The following SYNDIG1 variants were observed in gnomAD, a reference collection of about 807,000 sequenced individuals.
SYNDIG1 encodes the protein synapse differentiation-inducing gene protein 1.
In SYNDIG1, 9 loss-of-function variants were observed where a neutral mutation model predicts 19.4. The ratio of observed to expected loss-of-function variants is 0.46; its 90% CI spans 0.28 to 0.81. The LOEUF is 0.81. Ranked by LOEUF, SYNDIG1 falls within the 30% of genes least tolerant of loss-of-function variation. The pLI is 0.12. For synonymous variants in SYNDIG1, 141 were observed against 145.9 expected (o/e 0.97, Z 0.24); for missense variants, 311 against 343.3 (o/e 0.91, Z 0.74).
At chr20:24,521,184 C>T (rs1600509759) in intron 1 of SYNDIG1, among the ~76,000 whole-genome samples, 1 of 152,184 alleles carries the variant, frequency 6.6e-6, no homozygotes, top group Non-Finnish European at 1.5e-5. Context: ...TTCAGGGTAG[C>T]ATATGCCATA....
At chr20:24,493,316 A>G (rs138349192) in intron 1 of SYNDIG1, among the ~76,000 whole-genome samples, 44 of 152,322 alleles carry the variant, frequency 2.9e-4, no homozygotes, top group African/African-American at 8.9e-4. Flanking sequence ...GCATGGGCAC[A>G]CAAGCATGCA....
chr20:24,533,558 C>T (rs768515629), intron 1 of SYNDIG1, among the ~76,000 whole-genome samples: 14 of 151,970 alleles, frequency 9.2e-5, no homozygotes, highest in South Asian at 6.3e-4. Flanking sequence ...GAGGGGATCC[C>T]GGGAAGCACC....
At chr20:24,497,009 C>A (rs1217551549) in intron 1 of SYNDIG1, among the ~76,000 whole-genome samples, 1 of 152,130 alleles carries the variant, frequency 6.6e-6, no homozygotes, top group East Asian at 1.9e-4. Flanking sequence ...AGTACTAATA[C>A]CATTTGCTTA....
chr20:24,648,201 G>T (rs1051058231), intron 3 of SYNDIG1, among the ~76,000 whole-genome samples: 1 of 152,198 alleles, frequency 6.6e-6, no homozygotes, highest in African/African-American at 2.4e-5. Flanking sequence ...TAGCAGTTTG[G>T]CTCGCAGACA....
chr20:24,571,390 C>G (rs2058140646), intron 2 of SYNDIG1, among the ~76,000 whole-genome samples: 1 of 152,148 alleles, frequency 6.6e-6, no homozygotes, highest in Non-Finnish European at 1.5e-5. Flanking sequence ...TATATGGGAA[C>G]TCTCTGTTCT....
At chr20:24,510,772 A>G (rs1448831385) in intron 1 of SYNDIG1, among the ~76,000 whole-genome samples, 2 of 152,006 alleles carry the variant, frequency 1.3e-5, no homozygotes, top group East Asian at 1.9e-4. Context: ...CCCATTCTCA[A>G]TGTTCTCTCA....
At chr20:24,546,866 C>T (rs1224273107) in intron 2 of SYNDIG1, among the ~76,000 whole-genome samples, 1 of 151,904 alleles carries the variant, frequency 6.6e-6, no homozygotes, top group African/African-American at 2.4e-5. Flanking sequence ...TGAGCTCTTT[C>T]CAGAAGGCAG....
At chr20:24,557,808 A>G (rs1194956140) in intron 2 of SYNDIG1, among the ~76,000 whole-genome samples, 2 of 152,136 alleles carry the variant, frequency 1.3e-5, no homozygotes, top group Non-Finnish European at 2.9e-5. Context: ...CTCCAGCCGC[A>G]TGCTGGGAGA....
intron 2 of SYNDIG1, among the ~76,000 whole-genome samples, chr20:24,582,182 C>T (rs1294358149): frequency 2.7e-5 from 4 of 147,596 alleles, no homozygotes; most frequent in Non-Finnish European, 6.0e-5. Flanking sequence ...ATTGCAAGTC[C>T]TCCCCGCTGC....
At chr20:24,521,915 A>T (rs1311212629) in intron 1 of SYNDIG1, among the ~76,000 whole-genome samples, 1 of 149,988 alleles carries the variant, frequency 6.7e-6, no homozygotes, top group Non-Finnish European at 1.5e-5. Context: ...AAAAAAAAAA[A>T]TTAAGTAATA....
intron 3 of SYNDIG1, among the ~76,000 whole-genome samples, chr20:24,659,264 C>T (rs2059560559): frequency 6.6e-6 from 1 of 152,208 alleles, no homozygotes; most frequent in Admixed American, 6.5e-5. Context: ...TTGCATAAAG[C>T]CAGTGACTAC....
intron 3 of SYNDIG1, among the ~76,000 whole-genome samples, chr20:24,656,521 T>C (rs1299768514): frequency 6.6e-6 from 1 of 152,044 alleles, no homozygotes; most frequent in South Asian, 2.1e-4. Context: ...GCTGCTGGGG[T>C]GGACCCAGCT....
chr20:24,591,466 G>A (rs2058511320), intron 3 of SYNDIG1, among the ~76,000 whole-genome samples: 1 of 151,730 alleles, frequency 6.6e-6, no homozygotes, highest in African/African-American at 2.4e-5. Context: ...TTTTTGAAGA[G>A]TTTTGCTGTA....
chr20:24,554,569 T>C (rs1290939469), intron 2 of SYNDIG1, among the ~76,000 whole-genome samples: 1 of 152,224 alleles, frequency 6.6e-6, no homozygotes, highest in Non-Finnish European at 1.5e-5. Flanking sequence ...AATCATGTGG[T>C]TTTTGTCTTT....
intron 2 of SYNDIG1, among the ~76,000 whole-genome samples, chr20:24,545,923 A>G (rs1253910198): frequency 6.6e-6 from 1 of 152,234 alleles, no homozygotes; most frequent in African/African-American, 2.4e-5. Context: ...CTAAAGTAAC[A>G]TCGATGAAAC....
At chr20:24,587,107 G>A (rs1464831629) in intron 3 of SYNDIG1, among the ~76,000 whole-genome samples, 2 of 152,178 alleles carry the variant, frequency 1.3e-5, no homozygotes, top group Non-Finnish European at 2.9e-5. Context: ...AGCTGCAAAT[G>A]GGAAATGCAC....
intron 1 of SYNDIG1, among the ~76,000 whole-genome samples, chr20:24,518,898 G>C (rs563864321): frequency 5.3e-5 from 8 of 152,332 alleles, no homozygotes; most frequent in Non-Finnish European, 1.0e-4. Flanking sequence ...GGCAACCACA[G>C]ACACACCCCG....
chr20:24,578,030 G>A (rs1315145739), intron 2 of SYNDIG1, among the ~76,000 whole-genome samples: 4 of 152,232 alleles, frequency 2.6e-5, no homozygotes, highest in African/African-American at 4.8e-5. Flanking sequence ...GGCCACAGGC[G>A]AATCCCTCAT....
At chr20:24,487,552 C>CT (rs35460384) in intron 1 of SYNDIG1, among the ~76,000 whole-genome samples, 281 of 152,284 alleles carry the variant, frequency 1.8e-3, no homozygotes, top group Non-Finnish European at 3.2e-3. Context: ...GTCCAGCGCA[C>CT]TTTTTTCATG....
Sources: allele counts gnomAD v4.1 joint callset (sites outside exome capture counted in the v4.1 genomes callset), GRCh38; gene constraint gnomAD v4.1.1; transcripts MANE v1.5; gene names NCBI Gene and HGNC (gene_info 2026-07-23, HGNC 2026-07-21).